The following FAM118B variants were observed in gnomAD, a reference collection of about 807,000 sequenced individuals.
FAM118B encodes protein FAM118B.
In FAM118B, 24 loss-of-function variants were observed where a neutral mutation model predicts 38.5. That is an observed-to-expected ratio of 0.62 (90% CI 0.45 to 0.88). The LOEUF (loss-of-function observed/expected upper bound fraction) is 0.88. FAM118B is among the 40% of genes least tolerant of loss of function. The pLI is 0.00. For synonymous variants in FAM118B, 138 were observed against 156.3 expected, an observed-to-expected ratio of 0.88 and a Z score of 0.87; for missense variants, 334 against 420.0, an observed-to-expected ratio of 0.80 and a Z score of 1.79.
rs528602552 is a variant in FAM118B, at chr11:126,261,015, G to A, written c.983-410G>A. On this transcript the variant is annotated intron_variant, in intron 7 of 8. Transcript: ENST00000533050. ...AGTGCTACCGTATTTTATTTTGTGG[G>A]AGTATTCTGCTGCTTTTCACTCTTC... The A allele has an allele frequency of 3.2e-4, 52 of 161,804 alleles. No individual in the cohort carries two copies. The Middle Eastern group carries it at 9.5e-3, about 30-fold the overall frequency. The allele number at this position is 161,804 out of a possible 1,614,324, so 10.0% of individuals were successfully genotyped here. A position where few individuals can be genotyped will look rare whatever the true frequency, so the allele number is the denominator to read the frequency against.
chr11:126,234,960 T>C (rs1272278504), intron 2 of FAM118B, 35 bp from the exon 3 acceptor site: 2 of 1,494,746 alleles, frequency 1.3e-6, no homozygotes, highest in Non-Finnish European at 1.9e-6. Context: ...ACTTTACAGA[T>C]CTAATTGTGG....
chr11:126,233,686 T>C (rs969509170), intron 2 of FAM118B: 1 of 454,790 alleles, frequency 2.2e-6, no homozygotes, highest in Non-Finnish European at 4.4e-6. Flanking sequence ...GATTATGATA[T>C]AAAGAAGAAT....
At chr11:126,236,911 CA>C (rs1424228970) in intron 3 of FAM118B, among the ~76,000 whole-genome samples, 1 of 129,448 alleles carries the variant, frequency 7.7e-6, no homozygotes, top group African/African-American at 2.9e-5. Context: ...TTATGTTTCA[CA>C]GATGCTTTTT....
chr11:126,219,954 A>G (rs1255821007), intron 1 of FAM118B, among the ~76,000 whole-genome samples: 1 of 150,860 alleles, frequency 6.6e-6, no homozygotes, highest in Non-Finnish European at 1.5e-5. Flanking sequence ...GGGGGGGCTT[A>G]TATGTATGGA....
At chr11:126,217,282 TG>T in intron 1 of FAM118B, among the ~76,000 whole-genome samples, 1 of 152,358 alleles carries the variant, frequency 6.6e-6, no homozygotes, top group South Asian at 2.1e-4. Flanking sequence ...TTTCCCCTCA[TG>T]TTTGGCCTGT....
intron 7 of FAM118B, among the ~76,000 whole-genome samples, chr11:126,260,088 A>G (rs766411431): frequency 2.2e-4 from 33 of 151,510 alleles, no homozygotes; most frequent in Non-Finnish European, 3.7e-4. Flanking sequence ...CTGCAGTACA[A>G]TGGCACAGTC....
rs116795411 is a variant in FAM118B at position 126,262,806 on chromosome 11, T to G, written c.*673T>G. ...TTCTCAGGACAACCGTTTACTTACC[T>G]GATTCCTCGGAGCATTATCAACTTC... On this transcript the variant is annotated 3_prime_UTR_variant, in exon 9 of 9. Transcript: ENST00000533050. The G allele has an allele frequency of 3.3e-5, 5 of 152,716 alleles. No homozygotes were observed. The East Asian group carries it at 9.6e-4, about 29-fold the overall frequency. The allele number at this position is 152,716 out of a possible 1,614,324, so 9.5% of individuals were successfully genotyped here.
At chr11:126,246,203 T>C (rs1441239364) in intron 4 of FAM118B, among the ~76,000 whole-genome samples, 1 of 152,222 alleles carries the variant, frequency 6.6e-6, no homozygotes, top group Non-Finnish European at 1.5e-5. Context: ...ATTGCGATTA[T>C]GTTTTTGTTT....
intron 4 of FAM118B, among the ~76,000 whole-genome samples, chr11:126,248,156 AAAAT>A (rs1291861710): frequency 4.0e-5 from 6 of 149,992 alleles, no homozygotes; most frequent in African/African-American, 1.5e-4. Flanking sequence ...AAGAAAAATA[AAAAT>A]AAATAAAAAA....
intron 7 of FAM118B, 149 bp downstream of exon 7, chr11:126,257,001 A>G (rs1950588638): frequency 2.6e-6 from 2 of 759,372 alleles, no homozygotes. Context: ...TTCAGGTTAG[A>G]CTAAAGTGCC....
chr11:126,211,766 C>T, upstream of FAM118B: 2 of 1,075,712 alleles, frequency 1.9e-6, no homozygotes, highest in African/African-American at 3.2e-5. Flanking sequence ...GGGGACGGTG[C>T]GCGCTCAGTG....
chr11:126,214,490 G>GTTTTGTTTTTTTTTTTTTT (rs1949942835), intron 1 of FAM118B: 1 of 25,848 alleles, frequency 3.9e-5, no homozygotes, highest in East Asian at 1.4e-3. Flanking sequence ...TTTTGTTTCT[G>GTTTTGTTTTTTTTTTTTTT]TTTTTTTTTT....
At chr11:126,242,226 C>T (rs1950368972) in intron 4 of FAM118B, among the ~76,000 whole-genome samples, 1 of 151,772 alleles carries the variant, frequency 6.6e-6, no homozygotes, top group Non-Finnish European at 1.5e-5. Context: ...ATGCAAAAAA[C>T]TAAAGTAAAA....
At chr11:126,214,057 G>C (rs1159509251) in intron 1 of FAM118B, among the ~76,000 whole-genome samples, 1 of 152,168 alleles carries the variant, frequency 6.6e-6, no homozygotes, top group Admixed American at 6.5e-5. Context: ...TCAGTATAAA[G>C]AATTTATGTG....
intron 1 of FAM118B, among the ~76,000 whole-genome samples, chr11:126,224,607 G>C (rs1329164643): frequency 6.6e-6 from 1 of 151,712 alleles, no homozygotes; most frequent in Non-Finnish European, 1.5e-5. Flanking sequence ...ATTTTAAATA[G>C]AATGGGTAGA....
chr11:126,238,144 T>C (rs1950306459), intron 3 of FAM118B, among the ~76,000 whole-genome samples: 1 of 152,036 alleles, frequency 6.6e-6, no homozygotes, highest in Admixed American at 6.6e-5. Context: ...GGCGGATCAC[T>C]TGAGGTCAGG....
chr11:126,262,124 T>C lies in FAM118B; in HGVS notation c.1047T>C (p.Cys349=), dbSNP rs749810593. 5 of 1,614,128 alleles carry C rather than the reference T, an allele frequency of 3.1e-6. No homozygotes were observed. The Admixed American group carries it at 8.3e-5, about 27-fold the overall frequency. ...CTCTTTTCTTTCTCCCTACAGGCTG[T>C]AGTACATGAGCGAGCTAGAGAAATC... ...SSAAHSEIRG[C]ST is the part of the protein sequence containing the mutation. Residue 349 remains cysteine (C), a synonymous_variant, in exon 9 of 9, where the codon TGT becomes TGC. Transcript: ENST00000533050.
At chr11:126,231,410 A>AT (rs5795487) in intron 2 of FAM118B, among the ~76,000 whole-genome samples, 28,255 of 151,692 alleles carry the variant, frequency 0.19, 2,949 homozygotes, top group Non-Finnish European at 0.25. Flanking sequence ...GCTAAAATTG[A>AT]TTTTTTTTTC....
At chr11:126,258,464 T>C (rs1452948678) in intron 7 of FAM118B, among the ~76,000 whole-genome samples, 1 of 152,236 alleles carries the variant, frequency 6.6e-6, no homozygotes, top group Non-Finnish European at 1.5e-5. Context: ...ATTTCTTAAC[T>C]GAATCAGATG....
Sources: allele counts gnomAD v4.1 joint callset (sites outside exome capture counted in the v4.1 genomes callset), GRCh38; gene constraint gnomAD v4.1.1; transcripts MANE v1.5; gene names NCBI Gene and HGNC (gene_info 2026-07-23, HGNC 2026-07-21).